IQCM: variants seen among roughly 807,000 people sequenced by gnomAD.
The protein encoded by IQCM is IQ domain-containing protein M.
Under a neutral mutation model 57.6 loss-of-function variants are expected in IQCM, and 45 were observed. The observed-to-expected ratio is 0.78, with a 90% CI of 0.62 to 1.00. IQCM has a LOEUF of 1.00. Among genes scored for constraint, IQCM ranks in the 50% least tolerant of loss-of-function variants. The probability of loss-of-function intolerance (pLI) is 0.00; values close to 1 mark genes in which losing one functional copy is unlikely to be tolerated. For missense variants in IQCM, 468 were observed against 511.6 expected (o/e 0.91, Z 0.82); for synonymous variants, 148 against 158.9 (o/e 0.93, Z 0.51).
In IQCM at chr4:149,553,158, T is replaced by A; in HGVS notation, c.1078A>T (p.Met360Leu). The A allele has an allele frequency of 8.1e-7, 1 of 1,232,040 alleles. No individual in the cohort carries two copies. Among genetic ancestry groups the A allele is most frequent in the Non-Finnish European group, 1.0e-6 (1 of 987,866 alleles). 76.3% of individuals were successfully genotyped at this position (1,232,040 alleles called of 1,614,324 possible). ...ILNLAELEEW[M>L]DRKKFYEIMF... ...CATCACTTACATTTTTTTCGGTCCATCCACTCCTCTAGCTCTGCTAAGTTG... is the reference window on the plus strand; with the variant it reads ...CATCACTTACATTTTTTTCGGTCCAACCACTCCTCTAGCTCTGCTAAGTTG... The change falls in exon 11 of 14, where the codon ATG (methionine) becomes TTG (leucine). Residue 360 changes from methionine to leucine, a missense_variant. Met to Leu is a conservative substitution (Grantham distance 15). Transcript: ENST00000636793.
At chr4:149,611,518 C>T (rs963844639) in intron 8 of IQCM, among the ~76,000 whole-genome samples, 1 of 152,066 alleles carries the variant, frequency 6.6e-6, no homozygotes, top group African/African-American at 2.4e-5. Context: ...AGGATGAAAT[C>T]CTGTCACTTG....
chr4:149,498,527 A>G (rs964632755), intron 12 of IQCM, among the ~76,000 whole-genome samples: 3 of 152,142 alleles, frequency 2.0e-5, no homozygotes, highest in African/African-American at 7.2e-5. Context: ...CAACCCTGGT[A>G]CAGCAGGCTC....
chr4:149,790,791 A>G (rs1772525845), intron 2 of IQCM, among the ~76,000 whole-genome samples: 1 of 152,044 alleles, frequency 6.6e-6, no homozygotes, highest in Admixed American at 6.6e-5. Flanking sequence ...GCATTTTTGT[A>G]TTCCAGGACT....
At chr4:149,701,572 A>G (rs1763774751) in intron 5 of IQCM, among the ~76,000 whole-genome samples, 1 of 152,014 alleles carries the variant, frequency 6.6e-6, no homozygotes, top group Non-Finnish European at 1.5e-5. Context: ...CACACACTGA[A>G]TTACTGAGCA....
chr4:149,387,040 T>C (rs1252631563), intron 13 of IQCM, among the ~76,000 whole-genome samples: 1 of 152,070 alleles, frequency 6.6e-6, no homozygotes, highest in Non-Finnish European at 1.5e-5. Context: ...ATTAGTGTCT[T>C]AGTCCATTCA....
At chr4:149,369,652 A>T (rs1156239690) in intron 13 of IQCM, among the ~76,000 whole-genome samples, 1 of 152,028 alleles carries the variant, frequency 6.6e-6, no homozygotes, top group Non-Finnish European at 1.5e-5. Context: ...TTGAATTGCC[A>T]AATCGCCTAA....
Position 149,785,223 on chromosome 4 carries a change from A to G in IQCM, c.-49+30088T>C, listed in dbSNP as rs898162956. 3.3e-5 allele frequency among the ~76,000 whole-genome samples: 5 copies of G among 152,220 alleles called. No homozygotes were observed. In the East Asian group the frequency reaches 7.7e-4, roughly 23 times the overall value. On this transcript the variant is annotated intron_variant, in intron 2 of 13. Transcript: ENST00000636793. ...AGAAGACAATGGAGCAATGAGTAAA[A>G]TATTCTAAGAGAGAGTGTGACCTTA...
intron 7 of IQCM, among the ~76,000 whole-genome samples, chr4:149,650,582 G>T (rs532688607): frequency 1.3e-5 from 2 of 151,994 alleles, no homozygotes; most frequent in South Asian, 2.1e-4. Context: ...GAGAGACAGG[G>T]TTTCACCATG....
intron 12 of IQCM, among the ~76,000 whole-genome samples, chr4:149,528,039 G>C (rs1005771526): frequency 7.3e-5 from 11 of 150,336 alleles, no homozygotes; most frequent in Admixed American, 3.3e-4. Context: ...AGGCTGGAGT[G>C]CAGTGGCATG....
At chr4:149,358,386 G>A (rs532947853) in intron 13 of IQCM, among the ~76,000 whole-genome samples, 89 of 152,212 alleles carry the variant, frequency 5.8e-4, no homozygotes, top group Admixed American at 1.1e-3. Flanking sequence ...GGCATTTAGC[G>A]CTATAAATTT....
chr4:149,500,914 AC>A (rs1743176021), intron 12 of IQCM, among the ~76,000 whole-genome samples: 1 of 152,164 alleles, frequency 6.6e-6, no homozygotes, highest in Admixed American at 6.6e-5. Context: ...ATGACATAAT[AC>A]CAATCCTGAT....
intron 13 of IQCM, among the ~76,000 whole-genome samples, chr4:149,372,140 T>A (rs1730410396): frequency 6.6e-6 from 1 of 152,200 alleles, no homozygotes. Flanking sequence ...AGCTTGAGCT[T>A]TAACCCACAG....
intron 7 of IQCM, among the ~76,000 whole-genome samples, chr4:149,668,749 G>A (rs1238140533): frequency 1.3e-5 from 2 of 152,186 alleles, no homozygotes; most frequent in African/African-American, 4.8e-5. Flanking sequence ...TGTTTGGTCA[G>A]AGCTGATCAA....
At chr4:149,423,236 C>A (rs1734235545) in intron 13 of IQCM, among the ~76,000 whole-genome samples, 1 of 151,940 alleles carries the variant, frequency 6.6e-6, no homozygotes, top group African/African-American at 2.4e-5. Context: ...GAAGGGGAAG[C>A]AGGCACCTTC....
chr4:149,682,310 C>T (rs1762236607), intron 6 of IQCM, 104 bp from the exon 7 acceptor site: 1 of 431,428 alleles, frequency 2.3e-6, no homozygotes. Context: ...TAGAAAACCA[C>T]TTGTCTCTGG....
intron 12 of IQCM, among the ~76,000 whole-genome samples, chr4:149,461,172 G>T (rs1738239493): frequency 6.8e-6 from 1 of 147,168 alleles, no homozygotes; most frequent in African/African-American, 2.5e-5. Context: ...GGCAGACGTT[G>T]CAGTGAGCCA....
At chr4:149,777,351 C>T (rs565087473) in intron 2 of IQCM, among the ~76,000 whole-genome samples, 2 of 152,246 alleles carry the variant, frequency 1.3e-5, no homozygotes, top group South Asian at 4.1e-4. Flanking sequence ...AAAAAGGATG[C>T]GTATGTGTTT....
intron 9 of IQCM, among the ~76,000 whole-genome samples, chr4:149,565,896 A>T (rs1402086644): frequency 6.6e-6 from 1 of 152,146 alleles, no homozygotes; most frequent in Non-Finnish European, 1.5e-5. Flanking sequence ...GATTCATTCT[A>T]TCATTTTCTT....
chr4:149,415,996 A>C (rs982833688), intron 13 of IQCM, among the ~76,000 whole-genome samples: 4 of 152,158 alleles, frequency 2.6e-5, no homozygotes, highest in Non-Finnish European at 4.4e-5. Context: ...GCACATGTGC[A>C]TATATGTAAC....
Sources: allele counts gnomAD v4.1 joint callset (sites outside exome capture counted in the v4.1 genomes callset), GRCh38; gene constraint gnomAD v4.1.1; transcripts MANE v1.5; gene names NCBI Gene and HGNC (gene_info 2026-07-23, HGNC 2026-07-21).